Variants in EBF3 observed in about 807,000 individuals in gnomAD.
EBF3 encodes EBF transcription factor 3.
A neutral mutation model predicts 77.1 loss-of-function variants in EBF3; 18 were observed. That is an observed-to-expected ratio of 0.23 (90% CI 0.16 to 0.35). EBF3 has a LOEUF of 0.35. Among genes scored for constraint, EBF3 ranks in the 10% least tolerant of loss-of-function variants. EBF3 has a pLI of 1.00. For missense variants in EBF3, 558 were observed against 860.0 expected (o/e 0.65, Z 4.39); for synonymous variants, 350 against 343.5 (o/e 1.02, Z -0.21).
chr10:129,942,897 G>A (rs753261731), intron 6 of EBF3, among the ~76,000 whole-genome samples: 90 of 152,322 alleles, frequency 5.9e-4, no homozygotes, highest in African/African-American at 1.9e-3. Context: ...AGGTACAGGC[G>A]TTTGTTTTGA....
At position 129,963,694 on chromosome 10, in the gene EBF3, G is replaced by A. The variant is rs141561354; in HGVS notation, c.75C>T (p.Asn25=). 85 of 1,531,672 alleles carry A rather than the reference G, an allele frequency of 5.5e-5. No homozygotes were observed. The African/African-American group carries it at 1.2e-3, about 21-fold the overall frequency. 94.9% of individuals were successfully genotyped at this position (1,531,672 alleles called of 1,614,324 possible). The change falls in exon 1 of 17, where the codon AAC becomes AAT. Residue 25 remains asparagine, a synonymous_variant. Transcript: ENST00000440978. The surrounding 1 kb of genome is among the most constrained non-coding windows in gnomAD (Gnocchi z 7.1). ...CCGTGTGCATCCACGAGCGCACCGG[G>A]TTCATGCCGCTGCCCAGCGGCTCCT... The part of the protein sequence containing the change: ...MKEEPLGSGM[N]PVRSWMHTAG...
At chr10:129,937,144 G>A (rs1204752749) in intron 6 of EBF3, among the ~76,000 whole-genome samples, 2 of 152,168 alleles carry the variant, frequency 1.3e-5, no homozygotes, top group Non-Finnish European at 2.9e-5. Flanking sequence ...CAGCAATCGT[G>A]CCGGGAACAA....
Position 129,962,202 on chromosome 10 carries a change from T to C in EBF3, c.380A>G (p.Tyr127Cys). ...GGTCATTGAATCTATGAGGCGAACA[T>C]ACAGATCTTGCTCTGTTCTGACTCC... ...SNGVRTEQDL[Y>C]VRLIDSMTKQ... The change falls in exon 4 of 17, where the codon TAT becomes TGT. Residue 127 changes from tyrosine (Y) to cysteine (C), a missense_variant. Physicochemically the swap from Tyr to Cys is radical, Grantham distance 194. This residue lies in a region of EBF3 where 84 missense variants were observed against 142.3 expected (regional missense o/e 0.59). Transcript: ENST00000440978. The C allele has an allele frequency of 6.2e-7, 1 of 1,614,120 alleles. No homozygotes were observed. The highest frequency in any genetic ancestry group is 8.5e-7 in the Non-Finnish European group (1 of 1,180,008).
intron 6 of EBF3, among the ~76,000 whole-genome samples, chr10:129,941,738 G>A (rs1857756556): frequency 6.6e-6 from 1 of 152,272 alleles, no homozygotes; most frequent in Admixed American, 6.5e-5. Context: ...CCTCAAGGAG[G>A]CAGAGCTTGG....
chr10:129,853,475 T>C (rs1851035934), intron 10 of EBF3, among the ~76,000 whole-genome samples: 1 of 152,236 alleles, frequency 6.6e-6, no homozygotes, highest in Non-Finnish European at 1.5e-5. Context: ...GCAGTAATTT[T>C]CTAGCTACAA....
chr10:129,868,353 C>T (rs1852174575), intron 8 of EBF3, among the ~76,000 whole-genome samples: 1 of 152,224 alleles, frequency 6.6e-6, no homozygotes, highest in Non-Finnish European at 1.5e-5. Context: ...CATCCGCGAA[C>T]TTTGCCTTTT....
intron 6 of EBF3, among the ~76,000 whole-genome samples, chr10:129,908,602 A>G (rs1373374787): frequency 6.6e-6 from 1 of 152,194 alleles, no homozygotes; most frequent in Non-Finnish European, 1.5e-5. Context: ...AACTCAGACA[A>G]AGCCAGTGTC....
chr10:129,938,876 T>C lies in EBF3; in HGVS notation c.554+18382A>G, dbSNP rs1308133237. On this transcript the variant is annotated intron_variant, in intron 6 of 16. Coordinates refer to ENST00000440978, the MANE Select transcript of EBF3 (RefSeq NM_001375380.1). The surrounding 1 kb of genome is among the most constrained non-coding windows in gnomAD (Gnocchi z 5.1). ...AAGAACCCACTGCAGGCCTTCTGGATCCAGTCAGACTGCCAAGGCCAAAGT... is the reference window on the plus strand; with the variant it reads ...AAGAACCCACTGCAGGCCTTCTGGACCCAGTCAGACTGCCAAGGCCAAAGT... 6.6e-6 allele frequency among the ~76,000 whole-genome samples: 1 copy of C among 152,172 alleles called. No homozygotes were observed. Among genetic ancestry groups the C allele is most frequent in the African/African-American group, 2.4e-5 (1 of 41,428 alleles).
chr10:129,836,055 G>C lies in EBF3; in HGVS notation c.*1888C>G, dbSNP rs1166953169. On this transcript the variant is annotated 3_prime_UTR_variant, in exon 17 of 17. Coordinates refer to ENST00000440978, the MANE Select transcript of EBF3 (RefSeq NM_001375380.1). ...TGTGAATCGGAGGTGGGCCCAGGAG[G>C]GTGCAGGACGCAGCAGAAATAGTCC... 2.6e-5 allele frequency: 4 copies of C among 152,716 alleles called. No homozygotes were observed. In the South Asian group the frequency reaches 6.2e-4, roughly 24 times the overall value. The allele number at this position is 152,716 out of a possible 1,614,324, so 9.5% of individuals were successfully genotyped here. A position where few individuals can be genotyped will look rare whatever the true frequency, so the allele number is the denominator to read the frequency against.
chr10:129,879,022 G>C lies in EBF3; in HGVS notation c.555-1173C>G, dbSNP rs747020462. 2.6e-5 allele frequency among the ~76,000 whole-genome samples: 4 copies of C among 152,082 alleles called. No homozygotes were observed. The highest frequency in any genetic ancestry group is 4.4e-5 in the Non-Finnish European group (3 of 68,022). ...TTGCCCTTATGTTTCATGGCATGAA[G>C]ATTCAGGGGTCCTGACAGTGTGTTG... On this transcript the variant is annotated intron_variant, in intron 6 of 16. Transcript: ENST00000440978. This position sits in a 1 kb window ranked among gnomAD's most constrained non-coding sequence, Gnocchi z 4.7.
In EBF3 at chr10:129,863,490, G is replaced by A. The variant is rs986610716; in HGVS notation, c.1039+3651C>T. Among the ~76,000 whole-genome samples, 3 of 152,188 alleles carry A rather than the reference G, an allele frequency of 2.0e-5. No individual in the cohort carries two copies. The highest frequency in any genetic ancestry group is 7.2e-5 in the African/African-American group (3 of 41,450). Reference sequence around the variant, plus strand: ...ACAGATCATTGAGGCCCTTTGCAAAGCCCCTCCCAGCCTCTGGCGGGCGGC... The same window carrying A: ...ACAGATCATTGAGGCCCTTTGCAAAACCCCTCCCAGCCTCTGGCGGGCGGC... On this transcript the variant is annotated intron_variant, in intron 10 of 16. Coordinates refer to ENST00000440978, the MANE Select transcript of EBF3 (RefSeq NM_001375380.1). The surrounding 1 kb of genome is among the most constrained non-coding windows in gnomAD (Gnocchi z 4.0).
intron 6 of EBF3, among the ~76,000 whole-genome samples, chr10:129,933,519 G>T (rs1024211741): frequency 4.6e-5 from 7 of 152,204 alleles, no homozygotes; most frequent in African/African-American, 1.7e-4. Flanking sequence ...AAACACAAAA[G>T]AAGGAAAAAG....
At chr10:129,910,850 G>A (rs139548561) in intron 6 of EBF3, among the ~76,000 whole-genome samples, 7 of 152,302 alleles carry the variant, frequency 4.6e-5, no homozygotes, top group South Asian at 2.1e-4. Flanking sequence ...GCATGGTCAC[G>A]TGGTCCAAGG....
chr10:129,964,256 C>A lies in EBF3; in HGVS notation c.-488G>T. On this transcript the variant is annotated 5_prime_UTR_variant, in exon 1 of 17. Coordinates refer to ENST00000440978, the MANE Select transcript of EBF3 (RefSeq NM_001375380.1). This position sits in a 1 kb window ranked among gnomAD's most constrained non-coding sequence, Gnocchi z 4.5. ...GCGGACGGAGGCGCACAAAACTCAG[C>A]CCTCTCTCCCCGAGGAATGGACCCT... 1 of 984,984 alleles carries A rather than the reference C, an allele frequency of 1.0e-6. No individual in the cohort carries two copies. Among genetic ancestry groups the A allele is most frequent in the Non-Finnish European group, 1.2e-6 (1 of 829,784 alleles). The allele number at this position is 984,984 out of a possible 1,614,324, so 61.0% of individuals were successfully genotyped here.
At chr10:129,840,505 C>T in intron 14 of EBF3, 63 bp from the exon 15 acceptor site, 1 of 1,512,616 alleles carries the variant, frequency 6.6e-7, no homozygotes, top group Admixed American at 2.0e-5. Context: ...CGAGAGGGCA[C>T]CAAAGGCCTC....
intron 6 of EBF3, among the ~76,000 whole-genome samples, chr10:129,882,866 C>T (rs1853302970): frequency 6.6e-6 from 1 of 152,198 alleles, no homozygotes; most frequent in Non-Finnish European, 1.5e-5. Flanking sequence ...ACAGCCCATC[C>T]TCACCGCCTT....
At chr10:129,959,213 G>A (rs1859283798) in intron 4 of EBF3, among the ~76,000 whole-genome samples, 1 of 152,084 alleles carries the variant, frequency 6.6e-6, no homozygotes, top group Admixed American at 6.5e-5. Flanking sequence ...CTGCCTCCCA[G>A]CCTCCTCCCC....
At chr10:129,903,176 C>T (rs779365886) in intron 6 of EBF3, among the ~76,000 whole-genome samples, 3 of 152,210 alleles carry the variant, frequency 2.0e-5, no homozygotes, top group Non-Finnish European at 2.9e-5. Context: ...TTAGATGGAA[C>T]CAGGTGAAGC....
intron 6 of EBF3, among the ~76,000 whole-genome samples, chr10:129,915,633 A>G (rs1855836864): frequency 6.6e-6 from 1 of 152,218 alleles, no homozygotes. Context: ...AGCCGCCGAG[A>G]GTGCGGGAAA....
Sources: gnomAD v4.1 joint callset for allele counts (sites outside exome capture counted in the v4.1 genomes callset) on GRCh38, gnomAD v4.1.1 for gene constraint, gnomAD v4.1.1 regional missense constraint, Gnocchi (gnomAD v3.1) non-coding constraint, MANE v1.5 for transcripts, NCBI Gene and HGNC (gene_info 2026-07-23, HGNC 2026-07-21) for gene names.